The following TTN variants were observed in gnomAD, a reference collection of about 807,000 sequenced individuals.
TTN encodes connectin.
In TTN, 1,525 loss-of-function variants were observed where a neutral mutation model predicts 3,223.0. The observed-to-expected ratio is 0.47, with a 90% confidence interval of 0.45 to 0.49. The LOEUF is 0.49. Among genes scored for constraint, TTN ranks in the 20% least tolerant of loss-of-function variants. TTN has a pLI of 0.00. For synonymous variants in TTN, 14,094 were observed against 15,161.0 expected, an observed-to-expected ratio of 0.93 and a Z score of 5.17; for missense variants, 40,786 against 43,424.0, an observed-to-expected ratio of 0.94 and a Z score of 5.40.
chr2:178,693,616 T>G lies in TTN; in HGVS notation c.31587A>C (p.Pro10529=). ...HVAISKRVEP[P]PKVPELPEKP... ...AGAATGAATTACTAATACCTTTAGGTGGTGGTTCAACCCTTTTGGAAATGG... is the reference window on the plus strand; with the variant it reads ...AGAATGAATTACTAATACCTTTAGGGGGTGGTTCAACCCTTTTGGAAATGG... Residue 10529 remains proline (P), a synonymous_variant, in exon 119 of 363, where the codon CCA becomes CCC. Coordinates refer to ENST00000589042, the MANE Select transcript of TTN (RefSeq NM_001267550.2). 1 of 1,592,524 alleles carries G rather than the reference T, an allele frequency of 6.3e-7. No homozygotes were observed. The highest frequency in any genetic ancestry group is 8.6e-7 in the Non-Finnish European group (1 of 1,165,240).
At chr2:178,694,742 A>G in intron 116 of TTN, 66 bp from the exon 117 acceptor site, 1 of 1,492,310 alleles carries the variant, frequency 6.7e-7, no homozygotes, top group African/African-American at 1.4e-5. Context: ...ATTTAAAAGT[A>G]TTTGATTATA....
At chr2:178,721,809 G>A (rs1442303862) in intron 78 of TTN, 38 bp downstream of exon 78, 1 of 1,439,404 alleles carries the variant, frequency 6.9e-7, no homozygotes, top group East Asian at 2.4e-5. Flanking sequence ...TGCAAATATG[G>A]TAAGGAACAA....
intron 134 of TTN, 32 bp from the exon 135 acceptor site, chr2:178,682,935 A>T: frequency 6.6e-7 from 1 of 1,525,562 alleles, no homozygotes; most frequent in Non-Finnish European, 8.9e-7. Flanking sequence ...GCAGCACTTT[A>T]CTTTAAAGCA....
Position 178,618,766 on chromosome 2 carries a change from G to C in TTN, c.46784C>G (p.Pro15595Arg). 2 of 1,611,574 alleles carry C rather than the reference G, an allele frequency of 1.2e-6. No individual in the cohort carries two copies. Among genetic ancestry groups the C allele is most frequent in the Non-Finnish European group, 1.7e-6 (2 of 1,178,746 alleles). Residue 15595 changes from proline to arginine, a missense_variant, in exon 251 of 363, where the codon CCC (proline) becomes CGC (arginine). Physicochemically the swap from Pro to Arg is moderately radical, Grantham distance 103. Coordinates refer to ENST00000589042, the MANE Select transcript of TTN (RefSeq NM_001267550.2). ...TTTAAACCATTCAGCTTCTGCTTTG[G>C]GGTAGGCATCATATGGCACCACCAT... ...LTMVVPYDAYPKAEAEWFKEN... is the reference protein window; with the variant it reads ...LTMVVPYDAYRKAEAEWFKEN...
Position 178,618,502 on chromosome 2 carries a change from C to T in TTN, c.46967-11G>A. 6.2e-7 allele frequency: 1 copy of T among 1,609,610 alleles called. No individual in the cohort carries two copies. Among genetic ancestry groups the T allele is most frequent in the Non-Finnish European group, 8.5e-7 (1 of 1,178,438 alleles). ...CTGGCCCAGGAACATCTGAAATTCA[C>T]ATATAGAGGAATTTTTTTAGTGTGC... On this transcript the variant is annotated splice_polypyrimidine_tract_variant and intron_variant, in intron 251 of 362. Coordinates refer to ENST00000589042, the MANE Select transcript of TTN (RefSeq NM_001267550.2).
chr2:178,735,205 C>T (rs1280579413), intron 50 of TTN, among the ~76,000 whole-genome samples: 1 of 152,174 alleles, frequency 6.6e-6, no homozygotes, highest in Admixed American at 6.6e-5. Context: ...AGACTACCTA[C>T]ACAAAGAAGA....
chr2:178,735,933 G>A lies in TTN; in HGVS notation c.14513C>T (p.Ser4838Leu), dbSNP rs758347900. The A allele has an allele frequency of 1.9e-6, 3 of 1,613,920 alleles. No homozygotes were observed. Among genetic ancestry groups the A allele is most frequent in the Non-Finnish European group, 2.5e-6 (3 of 1,179,832 alleles). ...WQKDGAALSP[S>L]PNWRISDAEN... ...TGCGTCGGAAATCCTCCAGTTAGGT[G>A]AAGGTGAGAGTGCAGCACCATCTTT... is the stretch of plus-strand genomic sequence containing the variant. Residue 4838 changes from serine to leucine, a missense_variant, in exon 50 of 363, where the codon TCA becomes TTA. By Grantham distance (145) the Ser-to-Leu change is moderately radical. Coordinates refer to ENST00000589042, the MANE Select transcript of TTN (RefSeq NM_001267550.2).
In TTN at chr2:178,785,834, A is replaced by G; in HGVS notation, c.2370+14T>C. On this transcript the variant is annotated intron_variant, in intron 14 of 362. Coordinates refer to ENST00000589042, the MANE Select transcript of TTN (RefSeq NM_001267550.2). ...ACCATGAACAAGGTGAAAAATCAGC[A>G]GGTATAGACTCACCTGTGATGATAT... 6.2e-7 allele frequency: 1 copy of G among 1,614,164 alleles called. No individual in the cohort carries two copies. The highest frequency in any genetic ancestry group is 8.5e-7 in the Non-Finnish European group (1 of 1,180,000).
Position 178,717,556 on chromosome 2 carries a change from T to A in TTN, c.25318A>T (p.Thr8440Ser), listed in dbSNP as rs778495825. Reference protein sequence around the residue: ...YNCSASNPLGTASSSAKLILS... With the variant: ...YNCSASNPLGSASSSAKLILS... ...ATGAGCTTGGCACTGGATGAAGCAGTCCCAAGAGGATTAGAAGCAGAGCAA... is the reference window on the plus strand; with the variant it reads ...ATGAGCTTGGCACTGGATGAAGCAGACCCAAGAGGATTAGAAGCAGAGCAA... The change falls in exon 87 of 363, where the codon ACT becomes TCT. Residue 8440 changes from threonine to serine, a missense_variant. Transcript: ENST00000589042. 6.2e-7 allele frequency: 1 copy of A among 1,612,160 alleles called. No individual in the cohort carries two copies. Among genetic ancestry groups the A allele is most frequent in the South Asian group, 1.1e-5 (1 of 90,862 alleles).
In TTN at chr2:178,719,715, C is replaced by A; in HGVS notation, c.23777G>T (p.Gly7926Val). 6.2e-7 allele frequency: 1 copy of A among 1,613,736 alleles called. No homozygotes were observed. Among genetic ancestry groups the A allele is most frequent in the South Asian group, 1.1e-5 (1 of 91,080 alleles). Residue 7926 changes from glycine (G) to valine (V), a missense_variant, in exon 82 of 363, where the codon GGA (glycine) becomes GTA (valine). Transcript: ENST00000589042. Reference sequence around the variant, plus strand: ...TTTGCTGTCTGCAGACAATTCTCTTCCATCTTTGAACCACTTGGCTGAGAG... The same window carrying A: ...TTTGCTGTCTGCAGACAATTCTCTTACATCTTTGAACCACTTGGCTGAGAG... ...PELSAKWFKDGRELSADSKHH... is the reference protein window; with the variant it reads ...PELSAKWFKDVRELSADSKHH...
Position 178,740,067 on chromosome 2 carries a change from T to G in TTN, c.13166A>C (p.Glu4389Ala). Residue 4389 changes from glutamate (E) to alanine (A), a missense_variant, in exon 48 of 363, where the codon GAA becomes GCA. Physicochemically the swap from Glu to Ala is moderately radical, Grantham distance 107. Coordinates refer to ENST00000589042, the MANE Select transcript of TTN (RefSeq NM_001267550.2). ...AATTTTCAGGTTTAATCTCTGCTCT[T>G]CTGGAATACCAGAAAGCAAGCTTTC... The part of the protein sequence containing the change: ...SKESLLSGIP[E>A]EQRLNLKIQI... The G allele has an allele frequency of 6.2e-7, 1 of 1,613,856 alleles. No homozygotes were observed. Among genetic ancestry groups the G allele is most frequent in the Non-Finnish European group, 8.5e-7 (1 of 1,179,828 alleles).
rs775875875 is a variant in TTN at position 178,538,714 on chromosome 2, G to C, written c.99115C>G (p.Gln33039Glu). Reference sequence around the variant, plus strand: ...TTCTTCCAGGCACTGTCTCCAGACTGTCTATATTCAACCCAGTATCCAAGA... The same window carrying C: ...TTCTTCCAGGCACTGTCTCCAGACTCTCTATATTCAACCCAGTATCCAAGA... Reference protein sequence around the residue: ...EILGYWVEYRQSGDSAWKKSN... With the variant: ...EILGYWVEYRESGDSAWKKSN... The change falls in exon 354 of 363, where the codon CAG becomes GAG. Residue 33039 changes from glutamine to glutamate, a missense_variant. Gln to Glu is a conservative substitution (Grantham distance 29). Transcript: ENST00000589042. 14 of 1,613,636 alleles carry C rather than the reference G, an allele frequency of 8.7e-6. No homozygotes were observed. Among genetic ancestry groups the C allele is most frequent in the Non-Finnish European group, 7.6e-6 (9 of 1,179,758 alleles).
chr2:178,710,798 G>C lies in TTN; in HGVS notation c.28299C>G (p.Asp9433Glu), dbSNP rs372608982. 37 of 1,613,778 alleles carry C rather than the reference G, an allele frequency of 2.3e-5. No homozygotes were observed. The Middle Eastern group carries it at 8.2e-4, about 36-fold the overall frequency. The change falls in exon 98 of 363, where the codon GAC (aspartate) becomes GAG (glutamate). Residue 9433 changes from aspartate (D) to glutamate (E), a missense_variant. By Grantham distance (45) the Asp-to-Glu change is conservative. Transcript: ENST00000589042. ...TQPIKVSWAK[D>E]SREIRSGGKY... ...TTCCGCCACTTCGTATTTCTCTGCTGTCTTTGGCCCAGCTGACCTTTATCG... is the reference window on the plus strand; with the variant it reads ...TTCCGCCACTTCGTATTTCTCTGCTCTCTTTGGCCCAGCTGACCTTTATCG...
At position 178,718,157 on chromosome 2, in the gene TTN, T is replaced by C. The variant is rs1454021604; in HGVS notation, c.24849A>G (p.Leu8283=). 2 of 1,607,208 alleles carry C rather than the reference T, an allele frequency of 1.2e-6. No homozygotes were observed. The highest frequency in any genetic ancestry group is 1.7e-6 in the Non-Finnish European group (2 of 1,179,594). Reference sequence around the variant, plus strand: ...CTGGAGTTCCATCCACTTTACACTGTAAAGTTGCAGGTTCTCCAATGACTG... The same window carrying C: ...CTGGAGTTCCATCCACTTTACACTGCAAAGTTGCAGGTTCTCCAATGACTG... ...VEAVIGEPAT[L]QCKVDGTPEI... is the part of the protein sequence containing the mutation. Residue 8283 remains leucine, a synonymous_variant, in exon 86 of 363, where the codon TTA becomes TTG. Coordinates refer to ENST00000589042, the MANE Select transcript of TTN (RefSeq NM_001267550.2).
rs1553543837 is a variant in TTN at position 178,553,952 on chromosome 2, G to T, written c.89159C>A (p.Ser29720Tyr). Residue 29720 changes from serine to tyrosine, a missense_variant, in exon 333 of 363, where the codon TCT (serine) becomes TAT (tyrosine). By Grantham distance (144) the Ser-to-Tyr change is moderately radical. Transcript: ENST00000589042. Reference sequence around the variant, plus strand: ...AGCTTTGTAGAATTCAGATGGTTCAGAAAATGGACCCTGTCCAGCAGCGTT... The same window carrying T: ...AGCTTTGTAGAATTCAGATGGTTCATAAAATGGACCCTGTCCAGCAGCGTT... ...AVNAAGQGPF[S>Y]EPSEFYKAAD... is the part of the protein sequence containing the mutation. 1 of 1,608,010 alleles carries T rather than the reference G, an allele frequency of 6.2e-7. No homozygotes were observed.
In TTN at chr2:178,639,895, C is replaced by G. The variant is rs956467015; in HGVS notation, c.40787-107G>C. 12 of 1,435,580 alleles carry G rather than the reference C, an allele frequency of 8.4e-6. No individual in the cohort carries two copies. The Admixed American group carries it at 1.7e-4, about 20-fold the overall frequency. The allele number at this position is 1,435,580 out of a possible 1,614,324, so 88.9% of individuals were successfully genotyped here. A position where few individuals can be genotyped will look rare whatever the true frequency, so the allele number is the denominator to read the frequency against. On this transcript the variant is annotated intron_variant, in intron 222 of 362. Coordinates refer to ENST00000589042, the MANE Select transcript of TTN (RefSeq NM_001267550.2). Reference sequence around the variant, plus strand: ...ATATAATTTTGAAATCTTCAAATAACTAGTTTTTAAGAGAATAGTATATTA... The same window carrying G: ...ATATAATTTTGAAATCTTCAAATAAGTAGTTTTTAAGAGAATAGTATATTA...
Position 178,731,045 on chromosome 2 carries a change from T to G in TTN, c.17620A>C (p.Thr5874Pro). ...ATCTTCAGTATTGAGACTGTATCAGTGACACTGATTTTATATTTTGAGCCC... is the reference window on the plus strand; with the variant it reads ...ATCTTCAGTATTGAGACTGTATCAGGGACACTGATTTTATATTTTGAGCCC... ...TLGSKYKISV[T>P]DTVSILKIIS... Residue 5874 changes from threonine (T) to proline (P), a missense_variant, in exon 60 of 363, where the codon ACT becomes CCT. Coordinates refer to ENST00000589042, the MANE Select transcript of TTN (RefSeq NM_001267550.2). 1.2e-6 allele frequency: 2 copies of G among 1,613,724 alleles called. No homozygotes were observed. Among genetic ancestry groups the G allele is most frequent in the Non-Finnish European group, 1.7e-6 (2 of 1,179,728 alleles).
In TTN at chr2:178,535,716, T is replaced by C; in HGVS notation, c.100899A>G (p.Gln33633=). The change falls in exon 358 of 363, where the codon CAA becomes CAG. Residue 33633 remains glutamine (Q), a synonymous_variant. Transcript: ENST00000589042. ...PDPVITWQKG[Q]DLIDNNGHYQ... is the part of the protein sequence containing the mutation. ...AGTGGCCATTATTGTCAATGAGATC[T>C]TGTCCTTTCTGCCAGGTGATCACAG... The C allele has an allele frequency of 6.2e-7, 1 of 1,613,820 alleles. No homozygotes were observed. Among genetic ancestry groups the C allele is most frequent in the Non-Finnish European group, 8.5e-7 (1 of 1,179,770 alleles).
chr2:178,756,533 G>C lies in TTN; in HGVS notation c.10943C>G (p.Ser3648Cys). 2 of 1,612,952 alleles carry C rather than the reference G, an allele frequency of 1.2e-6. No homozygotes were observed. The highest frequency in any genetic ancestry group is 1.7e-6 in the Non-Finnish European group (2 of 1,179,224). Residue 3648 changes from serine to cysteine, a missense_variant, in exon 46 of 363, where the codon TCT (serine) becomes TGT (cysteine). Transcript: ENST00000589042. ...CGTGGACTCTTTAGCACATTCCTTA[G>C]ATAGCTCAGTGCTTTCTGCAATTTG... ...LSQIAESTEL[S>C]KECAKESTGE...
Sources: allele counts gnomAD v4.1 joint callset (sites outside exome capture counted in the v4.1 genomes callset), GRCh38; gene constraint gnomAD v4.1.1; transcripts MANE v1.5; gene names NCBI Gene and HGNC (gene_info 2026-07-23, HGNC 2026-07-21).